Variants in LYPLAL1 observed in about 807,000 individuals in gnomAD.
The protein encoded by LYPLAL1 is lysophospholipase-like protein 1.
Under a neutral mutation model 19.7 loss-of-function variants are expected in LYPLAL1, and 23 were observed. The observed-to-expected ratio is 1.17, with a 90% CI of 0.84 to 1.65. The LOEUF (loss-of-function observed/expected upper bound fraction) is 1.65. Among genes scored for constraint, LYPLAL1 ranks in the 40% most tolerant of loss-of-function variants. LYPLAL1 has a pLI of 0.00. For missense variants in LYPLAL1, 355 were observed against 279.4 expected, an observed-to-expected ratio of 1.27 and a Z score of -1.93; for synonymous variants, 119 against 96.3, an observed-to-expected ratio of 1.24 and a Z score of -1.38.
chr1:219,248,095 G>T, the LYPLAL1 span, among the ~76,000 whole-genome samples: 7 of 152,112 alleles, frequency 4.6e-5, no homozygotes, highest in Admixed American at 4.6e-4. Context: ...TCAGAGAAAA[G>T]TATTACTTCA....
At chr1:219,285,582 T>C in the LYPLAL1 span, among the ~76,000 whole-genome samples, 4 of 152,320 alleles carry the variant, frequency 2.6e-5, no homozygotes, top group African/African-American at 9.6e-5. Flanking sequence ...TGGATGAACC[T>C]TGAAAACACT....
chr1:219,183,154 T>C (rs907906879), intron 2 of LYPLAL1, among the ~76,000 whole-genome samples: 5 of 152,086 alleles, frequency 3.3e-5, no homozygotes, highest in African/African-American at 1.2e-4. Flanking sequence ...TGGTATCCTA[T>C]TGTGATTTTT....
chr1:219,362,126 A>G, the LYPLAL1 span, among the ~76,000 whole-genome samples: 1 of 152,154 alleles, frequency 6.6e-6, no homozygotes, highest in African/African-American at 2.4e-5. Flanking sequence ...TCTTATTCTG[A>G]CACCCAAAGA....
chr1:219,178,893 ACTTAAG>A (rs67032075), intron 1 of LYPLAL1, among the ~76,000 whole-genome samples: 50,305 of 151,546 alleles, frequency 0.33, 8,688 homozygotes, highest in Non-Finnish European at 0.38. Context: ...GTAACTTAAA[ACTTAAG>A]CTTAAACAAG....
chr1:219,316,897 G>C, the LYPLAL1 span, among the ~76,000 whole-genome samples: 208 of 152,188 alleles, frequency 1.4e-3, no homozygotes, highest in Non-Finnish European at 2.7e-3. Context: ...GGGGGGAGGA[G>C]GAAATGGGGA....
the LYPLAL1 span, among the ~76,000 whole-genome samples, chr1:219,411,328 A>T: frequency 6.6e-6 from 1 of 152,040 alleles, no homozygotes; most frequent in East Asian, 1.9e-4. Flanking sequence ...GTTTGTAAAT[A>T]CACCAATCAG....
intron 2 of LYPLAL1, among the ~76,000 whole-genome samples, chr1:219,184,991 C>T (rs577445491): frequency 7.8e-4 from 118 of 151,928 alleles, no homozygotes; most frequent in Middle Eastern, 3.4e-3. Context: ...GTTATTTCTT[C>T]CTTAAATATT....
the LYPLAL1 span, among the ~76,000 whole-genome samples, chr1:219,348,928 A>G: frequency 6.6e-6 from 1 of 152,230 alleles, no homozygotes; most frequent in South Asian, 2.1e-4. Flanking sequence ...CATCTCTAAT[A>G]TAAAGGCAAT....
At chr1:219,198,499 A>T (rs936540352) in intron 3 of LYPLAL1, 2 of 152,124 alleles carry the variant, frequency 1.3e-5, no homozygotes, top group African/African-American at 4.8e-5. Flanking sequence ...ATTTTTTCTC[A>T]TAATGGAAAT....
In LYPLAL1 at chr1:219,178,884, TAACTTAA is replaced by T. The variant is rs930700239; in HGVS notation, c.92-255_92-249del. On this transcript the variant is annotated intron_variant, in intron 1 of 4. Transcript: ENST00000366928. ...TGTACTACCCACTAAACAAATTAGG[TAACTTAA>T]AACTTAAGCTTAAACAAGATCTTCA... Among the ~76,000 whole-genome samples, 27 of 133,604 alleles carry T rather than the reference TAACTTAA, an allele frequency of 2.0e-4. 2 individuals are homozygous for T. The South Asian group carries it at 4.6e-3, about 23-fold the overall frequency. 87.6% of individuals were successfully genotyped at this position (133,604 alleles called of 152,430 possible). A position where few individuals can be genotyped will look rare whatever the true frequency, so the allele number is the denominator to read the frequency against.
chr1:219,244,954 C>T, the LYPLAL1 span, among the ~76,000 whole-genome samples: 1 of 144,604 alleles, frequency 6.9e-6, no homozygotes, highest in African/African-American at 2.5e-5. Context: ...TAAATTTCTT[C>T]CTTTCTCTTC....
the LYPLAL1 span, among the ~76,000 whole-genome samples, chr1:219,275,118 C>T: frequency 6.6e-6 from 1 of 152,196 alleles, no homozygotes; most frequent in Non-Finnish European, 1.5e-5. Context: ...GGGACCCAAA[C>T]TCCTCCCCAG....
chr1:219,435,506 G>T, the LYPLAL1 span: 1 of 152,088 alleles, frequency 6.6e-6, no homozygotes, highest in Non-Finnish European at 1.5e-5. Context: ...AGTGTACAAT[G>T]TTATCTTCCT....
At chr1:219,306,849 T>TAGATAGATAGATAGATAGATAGACAGAC in the LYPLAL1 span, among the ~76,000 whole-genome samples, 1 of 135,304 alleles carries the variant, frequency 7.4e-6, no homozygotes, top group Non-Finnish European at 1.6e-5. Flanking sequence ...GATAGATAGA[T>TAGATAGATAGATAGATAGATAGACAGAC]AGACAGACAG....
chr1:219,254,674 T>C, the LYPLAL1 span, among the ~76,000 whole-genome samples: 9 of 152,138 alleles, frequency 5.9e-5, 2 homozygotes, highest in African/African-American at 2.2e-4. Context: ...GTCCCCTTTG[T>C]AAGTAACCTG....
chr1:219,301,350 C>A, the LYPLAL1 span, among the ~76,000 whole-genome samples: 1 of 152,088 alleles, frequency 6.6e-6, no homozygotes, highest in Non-Finnish European at 1.5e-5. Context: ...TCATGTCTGA[C>A]ATATAAACAT....
At chr1:219,354,526 C>T in the LYPLAL1 span, among the ~76,000 whole-genome samples, 68 of 152,136 alleles carry the variant, frequency 4.5e-4, 1 homozygote, top group South Asian at 6.4e-3. Context: ...AGCAGTAAGT[C>T]GCAGATCAAA....
the LYPLAL1 span, among the ~76,000 whole-genome samples, chr1:219,427,546 T>C: frequency 6.6e-6 from 1 of 152,230 alleles, no homozygotes; most frequent in Admixed American, 6.5e-5. Context: ...AGAAGTTGCC[T>C]GGCCTTTGCT....
At chr1:219,210,473 T>C in intron 3 of LYPLAL1, 59 bp from the exon 4 acceptor site, 2 of 1,114,842 alleles carry the variant, frequency 1.8e-6, no homozygotes, top group South Asian at 1.5e-5. Context: ...AATTGTTATA[T>C]ATCATATCCT....
Sources: gnomAD v4.1 joint callset for allele counts (sites outside exome capture counted in the v4.1 genomes callset) on GRCh38, gnomAD v4.1.1 for gene constraint, MANE v1.5 for transcripts, NCBI Gene and HGNC (gene_info 2026-07-23, HGNC 2026-07-21) for gene names.